Variants in RNLS observed in about 807,000 individuals in gnomAD.
RNLS encodes renalase, FAD dependent amine oxidase.
In RNLS, 39 loss-of-function variants were observed where a neutral mutation model predicts 39.8. The observed-to-expected ratio is 0.98, with a 90% CI of 0.76 to 1.28. The LOEUF (loss-of-function observed/expected upper bound fraction) is 1.28. Among genes scored for constraint, RNLS ranks in the 50% most tolerant of loss-of-function variants. The pLI is 0.00. For synonymous variants in RNLS, 147 were observed against 150.7 expected (o/e 0.98, Z 0.18); for missense variants, 410 against 413.3 (o/e 0.99, Z 0.07).
At chr10:88,544,512 G>A (rs1175007671) in intron 4 of RNLS, among the ~76,000 whole-genome samples, 2 of 152,176 alleles carry the variant, frequency 1.3e-5, no homozygotes, top group Non-Finnish European at 2.9e-5. Flanking sequence ...TTTGGGTAGA[G>A]AAAAACTTAA....
At chr10:88,440,380 C>A (rs1390360564) in intron 4 of RNLS, among the ~76,000 whole-genome samples, 1 of 152,172 alleles carries the variant, frequency 6.6e-6, no homozygotes, top group Non-Finnish European at 1.5e-5. Context: ...GCAGTCTTCC[C>A]AGACATACAT....
chr10:88,488,154 G>A (rs1216727100), intron 4 of RNLS, among the ~76,000 whole-genome samples: 1 of 152,106 alleles, frequency 6.6e-6, no homozygotes, highest in Non-Finnish European at 1.5e-5. Flanking sequence ...ACAATTTTAA[G>A]TGGTTTCATG....
intron 4 of RNLS, among the ~76,000 whole-genome samples, chr10:88,416,333 A>G (rs948077939): frequency 1.3e-5 from 2 of 151,722 alleles, no homozygotes; most frequent in Admixed American, 6.6e-5. Flanking sequence ...GGCTCACCGC[A>G]ACCTCTGCCT....
At chr10:88,184,732 T>A in the RNLS span, among the ~76,000 whole-genome samples, 1 of 152,166 alleles carries the variant, frequency 6.6e-6, no homozygotes, top group Non-Finnish European at 1.5e-5. Flanking sequence ...TGTTTATGAA[T>A]GTCATACCAA....
At chr10:88,188,502 A>T in the RNLS span, among the ~76,000 whole-genome samples, 1 of 152,222 alleles carries the variant, frequency 6.6e-6, no homozygotes, top group Non-Finnish European at 1.5e-5. Flanking sequence ...ACTACAGGTG[A>T]TTGTCCAACA....
At chr10:88,269,506 C>T (rs1229724898), downstream of RNLS, among the ~76,000 whole-genome samples, 1 of 152,226 alleles carries the variant, frequency 6.6e-6, no homozygotes, top group Non-Finnish European at 1.5e-5. Context: ...CATCATCAAA[C>T]TAGGGCCTGG....
intron 4 of RNLS, among the ~76,000 whole-genome samples, chr10:88,388,940 C>A (rs550634432): frequency 2.5e-4 from 38 of 152,126 alleles, no homozygotes; most frequent in Non-Finnish European, 5.3e-4. Flanking sequence ...TTACATAGTA[C>A]CATGCATCAG....
At chr10:88,460,034 T>C (rs1564817215) in intron 4 of RNLS, among the ~76,000 whole-genome samples, 2 of 152,164 alleles carry the variant, frequency 1.3e-5, no homozygotes, top group African/African-American at 4.8e-5. Context: ...GAGTTCAGCA[T>C]GGTGTTAAGC....
chr10:88,339,737 TACAA>T (rs1847794290), intron 5 of RNLS, among the ~76,000 whole-genome samples: 1 of 152,226 alleles, frequency 6.6e-6, no homozygotes, highest in Admixed American at 6.5e-5. Context: ...AAACTCCTGA[TACAA>T]ATTATTCTAA....
chr10:88,327,173 T>A (rs981544892), intron 5 of RNLS, among the ~76,000 whole-genome samples: 1 of 152,146 alleles, frequency 6.6e-6, no homozygotes, highest in East Asian at 1.9e-4. Context: ...ATGAGTTAGT[T>A]AGGACTTTGG....
chr10:88,466,757 TG>T (rs1337218842), intron 4 of RNLS, among the ~76,000 whole-genome samples: 2 of 152,158 alleles, frequency 1.3e-5, no homozygotes, highest in African/African-American at 4.8e-5. Context: ...TTTAAACATT[TG>T]GTTTAAAAAT....
At chr10:88,177,740 A>T in the RNLS span, among the ~76,000 whole-genome samples, 1 of 152,204 alleles carries the variant, frequency 6.6e-6, no homozygotes, top group Non-Finnish European at 1.5e-5. Flanking sequence ...TTTCGCAGGG[A>T]AAGACTTTTT....
chr10:88,555,296 C>T (rs572654005), intron 4 of RNLS, among the ~76,000 whole-genome samples: 1 of 152,016 alleles, frequency 6.6e-6, no homozygotes, highest in South Asian at 2.1e-4. Flanking sequence ...GTCAATGTCA[C>T]CTTTATCCTC....
chr10:88,412,648 G>A (rs1237836711), intron 4 of RNLS, among the ~76,000 whole-genome samples: 1 of 152,124 alleles, frequency 6.6e-6, no homozygotes, highest in Non-Finnish European at 1.5e-5. Context: ...TAGTTTCCAA[G>A]TAGCCAGGAG....
intron 4 of RNLS, among the ~76,000 whole-genome samples, chr10:88,485,077 A>G (rs559838197): frequency 6.6e-6 from 1 of 152,118 alleles, no homozygotes; most frequent in African/African-American, 2.4e-5. Context: ...CACAATCCCA[A>G]TCAAAATCCC....
chr10:88,546,656 G>C (rs955812117), intron 4 of RNLS, among the ~76,000 whole-genome samples: 1 of 152,094 alleles, frequency 6.6e-6, no homozygotes, highest in Non-Finnish European at 1.5e-5. Context: ...CAGATTGTTG[G>C]CTTCGTGTGA....
At chr10:88,355,366 T>C (rs928318008) in intron 5 of RNLS, among the ~76,000 whole-genome samples, 2 of 152,234 alleles carry the variant, frequency 1.3e-5, no homozygotes, top group African/African-American at 2.4e-5. Flanking sequence ...TGGTCTTTGA[T>C]GATGCTGACG....
At chr10:88,352,808 C>T (rs917570238) in intron 5 of RNLS, among the ~76,000 whole-genome samples, 47 of 152,244 alleles carry the variant, frequency 3.1e-4, no homozygotes, top group Middle Eastern at 3.4e-3. Flanking sequence ...TGGTGGAATT[C>T]GGTGGTGAAT....
At chr10:88,512,975 G>A (rs555939946) in intron 4 of RNLS, among the ~76,000 whole-genome samples, 45 of 152,268 alleles carry the variant, frequency 3.0e-4, no homozygotes, top group African/African-American at 1.0e-3. Context: ...CAGGCTGACA[G>A]TGAGAATTAC....
Sources: gnomAD v4.1 joint callset for allele counts (sites outside exome capture counted in the v4.1 genomes callset) on GRCh38, gnomAD v4.1.1 for gene constraint, MANE v1.5 for transcripts, NCBI Gene and HGNC (gene_info 2026-07-23, HGNC 2026-07-21) for gene names.